The following PTPRN2 variants were observed in gnomAD, a reference collection of about 807,000 sequenced individuals.
PTPRN2 encodes the protein receptor-type tyrosine-protein phosphatase N2.
PTPRN2 carries 74 observed loss-of-function variants against 118.8 expected under a neutral mutation model. The ratio of observed to expected loss-of-function variants is 0.62; its 90% confidence interval spans 0.52 to 0.76. The LOEUF (loss-of-function observed/expected upper bound fraction) is 0.76, where lower values mean the gene tolerates loss of function less well. Among genes scored for constraint, PTPRN2 ranks in the 30% least tolerant of loss-of-function variants. The pLI is 0.00. For missense variants in PTPRN2, 1,481 were observed against 1,394.4 expected (o/e 1.06, Z -0.99); for synonymous variants, 641 against 608.0 (o/e 1.05, Z -0.80).
At chr7:157,983,275 A>G (rs1803445683) in intron 11 of PTPRN2, among the ~76,000 whole-genome samples, 1 of 85,600 alleles carries the variant, frequency 1.2e-5, no homozygotes, top group Admixed American at 1.2e-4. Context: ...AGAGACGAGG[A>G]GGGGAATGCA....
intron 3 of PTPRN2, among the ~76,000 whole-genome samples, chr7:158,298,253 T>G (rs1800635817): frequency 6.6e-6 from 1 of 152,208 alleles, no homozygotes; most frequent in Non-Finnish European, 1.5e-5. Context: ...ATTTTCTTCT[T>G]TTTAATGTCT....
intron 2 of PTPRN2, among the ~76,000 whole-genome samples, chr7:158,462,687 G>T (rs1341092718): frequency 1.3e-5 from 2 of 152,086 alleles, no homozygotes; most frequent in Non-Finnish European, 2.9e-5. Flanking sequence ...CTCAGGCCCT[G>T]TGTTTCTCAC....
At chr7:157,908,065 G>A (rs1028734079) in intron 11 of PTPRN2, among the ~76,000 whole-genome samples, 22 of 152,250 alleles carry the variant, frequency 1.4e-4, no homozygotes, top group African/African-American at 5.3e-4. Context: ...CAGCGCGCCT[G>A]GTGAGGCTGC....
At chr7:157,917,540 C>T (rs1253431118) in intron 11 of PTPRN2, among the ~76,000 whole-genome samples, 1 of 152,192 alleles carries the variant, frequency 6.6e-6, no homozygotes, top group Non-Finnish European at 1.5e-5. Context: ...CTGGGAAAAG[C>T]TAATGTCAGC....
At chr7:157,689,535 G>A (rs1297448809) in intron 12 of PTPRN2, among the ~76,000 whole-genome samples, 1 of 152,244 alleles carries the variant, frequency 6.6e-6, no homozygotes, top group East Asian at 1.9e-4. Flanking sequence ...GCCCTAAAAG[G>A]CAATTGTGCT....
At chr7:158,561,562 G>T (rs1446368343) in intron 1 of PTPRN2, among the ~76,000 whole-genome samples, 1 of 152,050 alleles carries the variant, frequency 6.6e-6, no homozygotes, top group Non-Finnish European at 1.5e-5. Flanking sequence ...TAATTCATTG[G>T]CTTCTGCACT....
intron 2 of PTPRN2, among the ~76,000 whole-genome samples, chr7:158,467,642 C>T (rs1376822081): frequency 6.6e-6 from 1 of 152,126 alleles, no homozygotes; most frequent in Non-Finnish European, 1.5e-5. Context: ...AGGTAAGGTC[C>T]CATTTCATTC....
intron 3 of PTPRN2, among the ~76,000 whole-genome samples, chr7:158,240,961 C>A (rs1278983903): frequency 6.6e-6 from 1 of 152,206 alleles, no homozygotes; most frequent in East Asian, 1.9e-4. Flanking sequence ...TGCCCAGGAA[C>A]CATGTCAGGA....
chr7:158,249,573 C>T (rs1017991048), intron 3 of PTPRN2, among the ~76,000 whole-genome samples: 2 of 152,136 alleles, frequency 1.3e-5, no homozygotes, highest in Middle Eastern at 6.8e-3. Context: ...CACACACACC[C>T]TGCATGCACA....
chr7:158,077,745 TG>T (rs1376175812), intron 11 of PTPRN2, among the ~76,000 whole-genome samples: 1 of 152,212 alleles, frequency 6.6e-6, no homozygotes, highest in Non-Finnish European at 1.5e-5. Flanking sequence ...CTCTGCAGAC[TG>T]GGAGCCAGCA....
chr7:157,772,001 CAG>C (rs1802865680), intron 12 of PTPRN2, among the ~76,000 whole-genome samples: 1 of 151,570 alleles, frequency 6.6e-6, no homozygotes, highest in Non-Finnish European at 1.5e-5. Flanking sequence ...TGAACACACA[CAG>C]ATACATACAC....
Position 157,595,238 on chromosome 7 carries a change from C to T in PTPRN2, c.2496G>A (p.Gln832=). Residue 832 remains glutamine, a splice_region_variant and synonymous_variant, in exon 17 of 23, where the codon CAG becomes CAA. Transcript: ENST00000389418. The part of the protein sequence containing the change: ...PLPATVADFW[Q]MVWESGCVVI... Reference sequence around the variant, plus strand: ...GAGATTTTAATTTAAAAATGTTCACCTGCCAAAAGTCAGCCACGGTGGCGG... The same window carrying T: ...GAGATTTTAATTTAAAAATGTTCACTTGCCAAAAGTCAGCCACGGTGGCGG... 6.2e-7 allele frequency: 1 copy of T among 1,614,032 alleles called. No individual in the cohort carries two copies. Among genetic ancestry groups the T allele is most frequent in the Non-Finnish European group, 8.5e-7 (1 of 1,179,924 alleles).
chr7:158,181,863 A>C (rs182080879), intron 5 of PTPRN2, among the ~76,000 whole-genome samples: 118 of 152,314 alleles, frequency 7.7e-4, no homozygotes, highest in African/African-American at 2.6e-3. Flanking sequence ...ATTTTCAAAA[A>C]ACCAATTTTT....
At chr7:157,995,742 G>A (rs4716527) in intron 11 of PTPRN2, among the ~76,000 whole-genome samples, 1 of 152,142 alleles carries the variant, frequency 6.6e-6, no homozygotes, top group Non-Finnish European at 1.5e-5. Flanking sequence ...GAGGATCCAC[G>A]TGTGCATGTG....
At position 157,632,211 on chromosome 7, in the gene PTPRN2, T is replaced by C. The variant is rs1462616992; in HGVS notation, c.2197-10702A>G. ...AATGCCCAGGTGACCTGCAGGGTAC[T>C]TCCTGGAGTCCACAGCCGGCCCAGT... On this transcript the variant is annotated intron_variant, in intron 14 of 22. Transcript: ENST00000389418. This position sits in a 1 kb window ranked among gnomAD's most constrained non-coding sequence, Gnocchi z 4.3. Among the ~76,000 whole-genome samples the C allele has an allele frequency of 1.3e-5, 2 of 152,204 alleles. No homozygotes were observed. Among genetic ancestry groups the C allele is most frequent in the Non-Finnish European group, 2.9e-5 (2 of 68,034 alleles).
intron 11 of PTPRN2, among the ~76,000 whole-genome samples, chr7:157,962,117 TGAA>T (rs1344531838): frequency 1.3e-5 from 2 of 152,248 alleles, no homozygotes; most frequent in East Asian, 3.8e-4. Context: ...ACAGTTTCAG[TGAA>T]GAAGAAAGTG....
chr7:158,357,898 G>A (rs894628418), intron 2 of PTPRN2, among the ~76,000 whole-genome samples: 16 of 152,220 alleles, frequency 1.1e-4, no homozygotes, highest in African/African-American at 2.7e-4. Context: ...AGAGGGCCCC[G>A]GCCAAGCCAA....
intron 12 of PTPRN2, among the ~76,000 whole-genome samples, chr7:157,792,234 C>G (rs140842582): frequency 6.6e-6 from 1 of 152,262 alleles, no homozygotes; most frequent in Non-Finnish European, 1.5e-5. Flanking sequence ...ACCTGCAGCC[C>G]GCACTGAGCC....
chr7:158,111,449 G>A (rs972342258), intron 9 of PTPRN2, among the ~76,000 whole-genome samples: 1 of 152,112 alleles, frequency 6.6e-6, no homozygotes, highest in African/African-American at 2.4e-5. Flanking sequence ...ACCTGGCTGG[G>A]GACCTGTCCG....
Sources: allele counts gnomAD v4.1 joint callset (sites outside exome capture counted in the v4.1 genomes callset), GRCh38; gene constraint gnomAD v4.1.1; non-coding constraint Gnocchi (gnomAD v3.1); transcripts MANE v1.5; gene names NCBI Gene and HGNC (gene_info 2026-07-23, HGNC 2026-07-21).